The following DNAH6 variants were observed in gnomAD, a reference collection of about 807,000 sequenced individuals.
DNAH6 encodes dynein axonemal heavy chain 6.
Under a neutral mutation model 491.4 loss-of-function variants are expected in DNAH6, and 340 were observed. The observed-to-expected ratio is 0.69, with a 90% CI of 0.63 to 0.76. The LOEUF is 0.76. Among genes scored for constraint, DNAH6 ranks in the 30% least tolerant of loss-of-function variants. The probability of loss-of-function intolerance (pLI) is 0.00; values close to 1 mark genes in which losing one functional copy is unlikely to be tolerated. For synonymous variants in DNAH6, 1,603 were observed against 1,686.1 expected, an observed-to-expected ratio of 0.95 and a Z score of 1.21; for missense variants, 4,443 against 4,972.2, an observed-to-expected ratio of 0.89 and a Z score of 3.20.
intron 10 of DNAH6, 91 bp downstream of exon 10, chr2:84,553,125 T>C: frequency 1.5e-6 from 1 of 687,976 alleles, no homozygotes; most frequent in South Asian, 1.9e-5. Context: ...AGAATTGCAG[T>C]TGTCACCACT....
At chr2:84,754,039 G>A (rs907163852) in intron 63 of DNAH6, among the ~76,000 whole-genome samples, 16 of 151,776 alleles carry the variant, frequency 1.1e-4, no homozygotes, top group Admixed American at 2.6e-4. Flanking sequence ...GGCCAGAATG[G>A]TCTCCATCTC....
intron 71 of DNAH6, 60 bp downstream of exon 71, chr2:84,805,854 C>A: frequency 6.8e-7 from 1 of 1,477,376 alleles, no homozygotes; most frequent in Middle Eastern, 1.8e-4. Context: ...ACTCAGAGAA[C>A]TGAGTGATAA....
chr2:84,464,279 C>T, the DNAH6 span, among the ~76,000 whole-genome samples: 1 of 152,210 alleles, frequency 6.6e-6, no homozygotes, highest in Non-Finnish European at 1.5e-5. Flanking sequence ...CTACAAGAAA[C>T]ATCCCCGCTC....
chr2:84,489,860 G>A, the DNAH6 span, among the ~76,000 whole-genome samples: 1 of 152,182 alleles, frequency 6.6e-6, no homozygotes, highest in East Asian at 1.9e-4. Context: ...GTAGTTCTGA[G>A]ATGGGGCTGC....
chr2:84,669,807 G>T (rs1038985994), intron 38 of DNAH6, among the ~76,000 whole-genome samples: 1 of 152,128 alleles, frequency 6.6e-6, no homozygotes, highest in Admixed American at 6.5e-5. Context: ...GCACTGGTTG[G>T]ATAAGAATTG....
At chr2:84,811,938 A>AGTAGC (rs1680022697) in intron 72 of DNAH6, among the ~76,000 whole-genome samples, 1 of 151,376 alleles carries the variant, frequency 6.6e-6, no homozygotes, top group African/African-American at 2.4e-5. Context: ...AAAAATGACC[A>AGTAGC]GTAGCATGAG....
rs1680257525 is a variant in DNAH6, at chr2:84,814,047, C to T, written c.12075C>T (p.Thr4025=). 9 of 1,551,718 alleles carry T rather than the reference C, an allele frequency of 5.8e-6. No individual in the cohort carries two copies. The highest frequency in any genetic ancestry group is 7.8e-6 in the Non-Finnish European group (9 of 1,146,984). Residue 4025 remains threonine (T), a synonymous_variant, in exon 75 of 77, where the codon ACC becomes ACT. Transcript: ENST00000389394. ...ELSFKYSVIP[T]YRDQAAVIEA... ...GTTTCAAATACAGCGTAATTCCCAC[C>T]TATCGGGATCAAGCTGCAGTGATAG...
At chr2:84,556,252 C>G (rs939734612) in intron 10 of DNAH6, among the ~76,000 whole-genome samples, 8 of 152,166 alleles carry the variant, frequency 5.3e-5, no homozygotes, top group African/African-American at 1.9e-4. Context: ...AGTTGGGACC[C>G]TTTATCCTCT....
the DNAH6 span, among the ~76,000 whole-genome samples, chr2:84,508,939 C>G: frequency 1.3e-4 from 19 of 151,926 alleles, no homozygotes; most frequent in Non-Finnish European, 2.1e-4. Flanking sequence ...GAGACAGTTT[C>G]TTATAATTTC....
chr2:84,814,149 A>G, intron 75 of DNAH6, 27 bp downstream of exon 75: 1 of 1,547,020 alleles, frequency 6.5e-7, no homozygotes, highest in Non-Finnish European at 8.7e-7. Context: ...TGTTATGGCA[A>G]AGCAGCTTCT....
chr2:84,808,819 A>G (rs1229828841), intron 72 of DNAH6, among the ~76,000 whole-genome samples: 1 of 152,244 alleles, frequency 6.6e-6, no homozygotes, highest in Non-Finnish European at 1.5e-5. Context: ...GAAATTGTTC[A>G]GAGACCTAAG....
chr2:84,573,280 C>T (rs1326063049), intron 11 of DNAH6, among the ~76,000 whole-genome samples, 187 bp from the exon 12 acceptor site: 4 of 152,092 alleles, frequency 2.6e-5, no homozygotes, highest in African/African-American at 9.7e-5. Flanking sequence ...ATAACAATTT[C>T]TTCTTGAATC....
intron 64 of DNAH6, among the ~76,000 whole-genome samples, chr2:84,769,694 G>C (rs979486297): frequency 6.6e-6 from 1 of 152,170 alleles, no homozygotes; most frequent in African/African-American, 2.4e-5. Flanking sequence ...CTCCAGTAGA[G>C]AGGTACTACC....
intron 26 of DNAH6, 28 bp from the exon 27 acceptor site, chr2:84,624,237 T>G (rs957562655): frequency 6.6e-6 from 10 of 1,521,984 alleles, no homozygotes; most frequent in Non-Finnish European, 8.8e-6. Context: ...ATTGGAAAAT[T>G]CACCATGACA....
At chr2:84,663,744 G>A (rs189640780) in intron 37 of DNAH6, among the ~76,000 whole-genome samples, 12 of 152,258 alleles carry the variant, frequency 7.9e-5, no homozygotes, top group Middle Eastern at 3.4e-3. Context: ...GAAATACAGA[G>A]AACGCCACAA....
At position 84,669,342 on chromosome 2, in the gene DNAH6, G is replaced by C; in HGVS notation, c.6138G>C (p.Arg2046=). 1 of 1,549,180 alleles carries C rather than the reference G, an allele frequency of 6.5e-7. No individual in the cohort carries two copies. Among genetic ancestry groups the C allele is most frequent in the Non-Finnish European group, 8.7e-7 (1 of 1,144,670 alleles). ...TTCATATGGACTTTGACACCAAACG[G>C]CTGGATCCCTGGGAACGAATCATAC... The part of the protein sequence containing the change: ...WSIHMDFDTK[R]LDPWERIIPT... Residue 2046 remains arginine (R), a synonymous_variant, in exon 38 of 77, where the codon CGG becomes CGC. Transcript: ENST00000389394.
intron 4 of DNAH6, among the ~76,000 whole-genome samples, chr2:84,535,452 A>G (rs1441458554): frequency 6.6e-6 from 1 of 151,980 alleles, no homozygotes; most frequent in Non-Finnish European, 1.5e-5. Flanking sequence ...TTATTTCAAC[A>G]CCTTTTCAGA....
intron 71 of DNAH6, among the ~76,000 whole-genome samples, chr2:84,806,341 C>T (rs1679406604): frequency 1.3e-5 from 2 of 152,156 alleles, no homozygotes; most frequent in Admixed American, 6.5e-5. Flanking sequence ...CTTCCCAGGC[C>T]GGGCACAGTG....
chr2:84,598,159 C>CTTTCTTTCT (rs1553438084), intron 18 of DNAH6, among the ~76,000 whole-genome samples: 805 of 71,200 alleles, frequency 0.011, 10 homozygotes, highest in African/African-American at 0.026. Context: ...TTCTTTCTTT[C>CTTTCTTTCT]TTTCTTTCTT....
Sources: gnomAD v4.1 joint callset for allele counts (sites outside exome capture counted in the v4.1 genomes callset) on GRCh38, gnomAD v4.1.1 for gene constraint, MANE v1.5 for transcripts, NCBI Gene and HGNC (gene_info 2026-07-23, HGNC 2026-07-21) for gene names.